The following CLVS1 variants were observed in gnomAD, a reference collection of about 807,000 sequenced individuals.
The protein encoded by CLVS1 is clavesin-1.
Under a neutral mutation model 33.1 loss-of-function variants are expected in CLVS1, and 10 were observed. The ratio of observed to expected loss-of-function variants is 0.30; its 90% CI spans 0.19 to 0.51. The LOEUF (loss-of-function observed/expected upper bound fraction) is 0.51, where lower values mean the gene tolerates loss of function less well. CLVS1 is among the 20% of genes least tolerant of loss of function. The pLI is 0.97. For synonymous variants in CLVS1, 163 were observed against 166.1 expected (o/e 0.98, Z 0.14); for missense variants, 343 against 433.4 (o/e 0.79, Z 1.85).
At position 61,474,804 on chromosome 8, in the gene CLVS1, T is replaced by A. The variant is rs369966505; in HGVS notation, c.977+16262T>A. Among the ~76,000 whole-genome samples, 94 of 152,290 alleles carry A rather than the reference T, an allele frequency of 6.2e-4. 1 individual carries two copies. The highest frequency in any genetic ancestry group is 2.3e-3 in the East Asian group (12 of 5,180). ...AGTGAAGCAGGGCAAGTCTTTTTTT[T>A]TATATATATACTTTAAGTTTTATTG... On this transcript the variant is annotated intron_variant, in intron 5 of 5. Transcript: ENST00000325897.
the CLVS1 span, among the ~76,000 whole-genome samples, chr8:61,040,864 G>C: frequency 1.3e-5 from 2 of 151,982 alleles, no homozygotes; most frequent in African/African-American, 4.8e-5. Context: ...ATTTTTTGTT[G>C]TTGCAATTGC....
chr8:61,466,156 T>C (rs1404684595), intron 5 of CLVS1, among the ~76,000 whole-genome samples: 1 of 152,182 alleles, frequency 6.6e-6, no homozygotes, highest in Non-Finnish European at 1.5e-5. Flanking sequence ...GTAAATAAGC[T>C]TTGTATTAGT....
intron 2 of CLVS1, among the ~76,000 whole-genome samples, chr8:61,189,498 G>A (rs1388267922): frequency 6.6e-6 from 1 of 152,186 alleles, no homozygotes; most frequent in Non-Finnish European, 1.5e-5. Context: ...ACATCATAAT[G>A]ACAGGATCAA....
At chr8:61,403,637 A>G (rs780418614) in intron 3 of CLVS1, among the ~76,000 whole-genome samples, 2 of 152,156 alleles carry the variant, frequency 1.3e-5, no homozygotes, top group Non-Finnish European at 2.9e-5. Context: ...AATTTTAGTG[A>G]GGCTACTACT....
At chr8:61,406,118 G>A (rs1814975898) in intron 3 of CLVS1, among the ~76,000 whole-genome samples, 1 of 152,194 alleles carries the variant, frequency 6.6e-6, no homozygotes. Flanking sequence ...ACACTCTACA[G>A]CATTAAAGCT....
At chr8:61,244,531 T>A (rs977955776) in intron 2 of CLVS1, among the ~76,000 whole-genome samples, 14 of 152,228 alleles carry the variant, frequency 9.2e-5, no homozygotes, top group African/African-American at 3.1e-4. Context: ...GCTGTACTAA[T>A]ATTTTGCATG....
At chr8:61,445,941 A>C (rs1202944351) in intron 3 of CLVS1, among the ~76,000 whole-genome samples, 1 of 152,176 alleles carries the variant, frequency 6.6e-6, no homozygotes, top group Non-Finnish European at 1.5e-5. Flanking sequence ...AAATATGTGC[A>C]TGTAGAGTTC....
intron 1 of CLVS1, among the ~76,000 whole-genome samples, chr8:61,073,153 T>C (rs944212874): frequency 6.6e-6 from 1 of 152,214 alleles, no homozygotes; most frequent in Non-Finnish European, 1.5e-5. Context: ...TAAATGCTTG[T>C]CAAGTTTAGG....
intron 2 of CLVS1, among the ~76,000 whole-genome samples, chr8:61,246,642 T>C (rs1309557612): frequency 1.3e-5 from 2 of 152,186 alleles, no homozygotes; most frequent in Admixed American, 1.3e-4. Context: ...TCCTTTTCTT[T>C]ATAGTAGAAC....
intron 1 of CLVS1, among the ~76,000 whole-genome samples, chr8:61,066,430 T>C (rs371966945): frequency 6.6e-6 from 1 of 152,000 alleles, no homozygotes; most frequent in African/African-American, 2.4e-5. Context: ...CCTGGGGAGG[T>C]TGAGGCTGCA....
At chr8:61,346,756 A>C (rs909913960) in intron 2 of CLVS1, among the ~76,000 whole-genome samples, 2 of 152,176 alleles carry the variant, frequency 1.3e-5, no homozygotes, top group African/African-American at 4.8e-5. Flanking sequence ...ATGGGTTTCC[A>C]TCTAATGGCA....
chr8:61,063,214 G>GGCATTGAATA (rs1183627128), intron 1 of CLVS1, among the ~76,000 whole-genome samples: 1 of 136,630 alleles, frequency 7.3e-6, no homozygotes. Context: ...TGCATTGAAT[G>GGCATTGAATA]TTATATTAGC....
chr8:61,395,999 TA>T (rs1249163542), intron 3 of CLVS1, among the ~76,000 whole-genome samples: 1 of 152,226 alleles, frequency 6.6e-6, no homozygotes, highest in Non-Finnish European at 1.5e-5. Context: ...AAGGTATTGA[TA>T]GGTTCCACCA....
intron 3 of CLVS1, among the ~76,000 whole-genome samples, chr8:61,395,355 G>A (rs1291674085): frequency 6.6e-6 from 1 of 152,188 alleles, no homozygotes; most frequent in South Asian, 2.1e-4. Context: ...CAAAGTTTCA[G>A]CTAGACTGGA....
At chr8:61,031,415 G>A in the CLVS1 span, among the ~76,000 whole-genome samples, 14 of 152,210 alleles carry the variant, frequency 9.2e-5, no homozygotes, top group East Asian at 1.9e-3. Flanking sequence ...ACCTGCCTCC[G>A]TTCCCCACCT....
chr8:61,157,760 G>T (rs1806678585), intron 2 of CLVS1, among the ~76,000 whole-genome samples: 1 of 151,710 alleles, frequency 6.6e-6, no homozygotes. Flanking sequence ...CTCAAAAAAT[G>T]ATATACAAAT....
intron 2 of CLVS1, among the ~76,000 whole-genome samples, chr8:61,215,505 G>A (rs1474210981): frequency 7.2e-6 from 1 of 138,192 alleles, no homozygotes; most frequent in Non-Finnish European, 1.5e-5. Context: ...TCCAGTGATT[G>A]AAGGTAAAGT....
intron 1 of CLVS1, among the ~76,000 whole-genome samples, chr8:61,098,402 GAT>G (rs59671943): frequency 0.17 from 24,241 of 143,700 alleles, 2,218 homozygotes; most frequent in East Asian, 0.42. Context: ...TAGGGAAACT[GAT>G]ATATATATAT....
rs1359703039 is a variant in CLVS1 at position 61,121,014 on chromosome 8, C to T, written c.-242-10756C>T. ...GTTTGATCTCAGACTGCTGTGCTAG[C>T]AATCAGCGAGACTCCGTGGGCGTAG... On this transcript the variant is annotated intron_variant, in intron 1 of 2. Coordinates refer to the CLVS1 transcript ENST00000522621. Among the ~76,000 whole-genome samples the T allele has an allele frequency of 5.9e-5, 9 of 151,552 alleles. No homozygotes were observed. The East Asian group carries it at 1.6e-3, about 26-fold the overall frequency.
Sources: gnomAD v4.1 joint callset for allele counts (sites outside exome capture counted in the v4.1 genomes callset) on GRCh38, gnomAD v4.1.1 for gene constraint, MANE v1.5 for transcripts, NCBI Gene and HGNC (gene_info 2026-07-23, HGNC 2026-07-21) for gene names.